The following XPNPEP2 variants were observed in gnomAD, a reference collection of about 807,000 sequenced individuals.
XPNPEP2 encodes X-prolyl aminopeptidase 2.
XPNPEP2 carries 64 observed loss-of-function variants against 59.8 expected under a neutral mutation model. The observed-to-expected ratio is 1.07, with a 90% confidence interval of 0.87 to 1.32. XPNPEP2 has a LOEUF of 1.32. XPNPEP2 is among the 40% of genes most tolerant of loss of function. The pLI, the probability that XPNPEP2 is intolerant of heterozygous loss-of-function variation, is 0.00. For missense variants in XPNPEP2, 575 were observed against 546.8 expected (o/e 1.05, Z -0.51); for synonymous variants, 235 against 210.0 (o/e 1.12, Z -1.03).
chrX:129,745,845 C>T (rs1926284948), intron 4 of XPNPEP2, among the ~76,000 whole-genome samples: 1 of 111,553 alleles, frequency 9.0e-6, no homozygotes, highest in African/African-American at 3.3e-5. Flanking sequence ...GGCTCTTTTT[C>T]CCTTTGCCAA....
chrX:129,744,684 C>G (rs767223661), intron 3 of XPNPEP2, among the ~76,000 whole-genome samples: 1 of 112,434 alleles, frequency 8.9e-6, no homozygotes, highest in Non-Finnish European at 1.9e-5. Context: ...AGTATCTGAA[C>G]TTCCCTGAGC....
Position 129,767,762 on chromosome X carries a change from T to C in XPNPEP2, c.1830+70T>C, listed in dbSNP as rs937613567. The C allele has an allele frequency of 2.8e-6, 3 of 1,090,749 alleles. No individual in the cohort carries two copies. In the African/African-American group the frequency reaches 5.4e-5, roughly 20 times the overall value. 89.9% of individuals were successfully genotyped at this position (1,090,749 alleles called of 1,213,427 possible). Reference sequence around the variant, plus strand: ...CCTGCCTCTGCTACCTGCCACCACATCCTCTGTCCCTGCCCCTCCTCCAGG... The same window carrying C: ...CCTGCCTCTGCTACCTGCCACCACACCCTCTGTCCCTGCCCCTCCTCCAGG... On this transcript the variant is annotated intron_variant, in intron 20 of 20. Transcript: ENST00000371106.
chrX:129,740,018 T>C (rs1381767095), intron 1 of XPNPEP2, among the ~76,000 whole-genome samples: 1 of 112,633 alleles, frequency 8.9e-6, no homozygotes, highest in East Asian at 2.8e-4. Flanking sequence ...ACCTACCCAG[T>C]GCCAGGCCTT....
chrX:129,745,760 T>G (rs1344989371), intron 4 of XPNPEP2, among the ~76,000 whole-genome samples: 1 of 111,839 alleles, frequency 8.9e-6, no homozygotes, highest in Admixed American at 9.5e-5. Flanking sequence ...GCCCATTGAA[T>G]GAAATCCAAG....
chrX:129,764,185 TG>T (rs1209218874), intron 19 of XPNPEP2, among the ~76,000 whole-genome samples: 12 of 105,955 alleles, frequency 1.1e-4, no homozygotes, highest in Non-Finnish European at 7.8e-5. Context: ...CTCTTGGCTT[TG>T]TTTATGGCAT....
At position 129,750,572 on chromosome X, in the gene XPNPEP2, G is replaced by A. The variant is rs760478131; in HGVS notation, c.739+3G>A. 1 of 1,177,293 alleles carries A rather than the reference G, an allele frequency of 8.5e-7. No individual in the cohort carries two copies. Among genetic ancestry groups the A allele is most frequent in the South Asian group, 1.9e-5 (1 of 53,155 alleles). ...GTCGGCGCTTGAGGAGACGGCCTGT[G>A]AGTGTGGATTTGCAGACATGGGTGG... On this transcript the variant is annotated splice_donor_region_variant and intron_variant, in intron 8 of 20. Coordinates refer to ENST00000371106, the MANE Select transcript of XPNPEP2 (RefSeq NM_003399.6).
chrX:129,754,385 C>A, intron 11 of XPNPEP2, 87 bp from the exon 12 acceptor site: 1 of 826,084 alleles, frequency 1.2e-6, no homozygotes, highest in Non-Finnish European at 1.7e-6. Flanking sequence ...CATCCTGGAG[C>A]CGCTATCTGA....
chrX:129,765,312 T>C (rs958872641), intron 19 of XPNPEP2, among the ~76,000 whole-genome samples: 1 of 112,185 alleles, frequency 8.9e-6, no homozygotes, highest in Non-Finnish European at 1.9e-5. Context: ...TTTTACTATA[T>C]TTGCCATCAA....
At chrX:129,756,975 G>C (rs1196197136) in intron 14 of XPNPEP2, among the ~76,000 whole-genome samples, 1 of 95,467 alleles carries the variant, frequency 1.0e-5, no homozygotes, top group Non-Finnish European at 2.0e-5. Flanking sequence ...TTGGATTACA[G>C]GTGTCCACCA....
At chrX:129,742,936 G>A (rs1251496466) in intron 2 of XPNPEP2, among the ~76,000 whole-genome samples, 1 of 111,512 alleles carries the variant, frequency 9.0e-6, no homozygotes, top group African/African-American at 3.3e-5. Context: ...AACCAAAGAA[G>A]AGCCAACGGA....
At position 129,745,052 on chromosome X, in the gene XPNPEP2, G is replaced by A. The variant is rs191449968; in HGVS notation, c.235-151G>A. 1.3e-3 allele frequency: 759 copies of A among 582,899 alleles called. 9 individuals carry two copies. The East Asian group carries it at 0.024, about 18-fold the overall frequency. The allele number at this position is 582,899 out of a possible 1,213,427, so 48.0% of individuals were successfully genotyped here. Reference sequence around the variant, plus strand: ...TTGAAGGCTGGGAGAGTTACAGAGGGCTTCCTGGAAGAGGCACTTGGTGTG... The same window carrying A: ...TTGAAGGCTGGGAGAGTTACAGAGGACTTCCTGGAAGAGGCACTTGGTGTG... On this transcript the variant is annotated intron_variant, in intron 3 of 20. Coordinates refer to ENST00000371106, the MANE Select transcript of XPNPEP2 (RefSeq NM_003399.6).
chrX:129,749,003 G>A lies in XPNPEP2; in HGVS notation c.637+1250G>A, dbSNP rs958191838. Among the ~76,000 whole-genome samples the A allele has an allele frequency of 6.2e-5, 7 of 112,027 alleles. No individual in the cohort carries two copies. In the South Asian group the frequency reaches 2.6e-3, roughly 41 times the overall value. On this transcript the variant is annotated intron_variant, in intron 7 of 20. Transcript: ENST00000371106. ...TTTAAAGGAGAAAGGAGAGTGCAAA[G>A]GGCAGAACATGAAAAGTTCGCTACT...
intron 4 of XPNPEP2, among the ~76,000 whole-genome samples, chrX:129,745,520 A>C (rs1419042935): frequency 4.5e-5 from 5 of 111,755 alleles, no homozygotes; most frequent in African/African-American, 1.6e-4. Context: ...CCTCTGCTGC[A>C]ACCAGGCCCA....
rs1926791318 is a variant in XPNPEP2 at position 129,768,353 on chromosome X, G to A, written c.1893G>A (p.Arg631=). ...IREKVGPELQ[R]RQLLEEFEWL... ...AGAAGGTGGGTCCAGAGCTGCAGAG[G>A]CGCCAGCTACTAGAGGAGTTCGAGT... is the stretch of plus-strand genomic sequence containing the variant. The change falls in exon 21 of 21, where the codon AGG becomes AGA. Residue 631 remains arginine, a synonymous_variant. Coordinates refer to ENST00000371106, the MANE Select transcript of XPNPEP2 (RefSeq NM_003399.6). The A allele has an allele frequency of 8.3e-7, 1 of 1,208,719 alleles. No individual in the cohort carries two copies.
In XPNPEP2 at chrX:129,768,695, C is replaced by G. The variant is rs1442338737; in HGVS notation, c.*210C>G. ...GGCCCCAGATGGCACCTCCCTGCAC[C>G]CCGGGGTTGTATACCACACCCTGGG... On this transcript the variant is annotated 3_prime_UTR_variant, in exon 21 of 21. Transcript: ENST00000371106. The G allele has an allele frequency of 6.0e-6, 2 of 332,414 alleles. No individual in the cohort carries two copies. The highest frequency in any genetic ancestry group is 1.0e-5 in the Non-Finnish European group (2 of 195,671). The allele number at this position is 332,414 out of a possible 1,213,427, so 27.4% of individuals were successfully genotyped here.
chrX:129,741,019 C>T (rs1926168613), intron 1 of XPNPEP2, among the ~76,000 whole-genome samples: 1 of 109,428 alleles, frequency 9.1e-6, no homozygotes, highest in Non-Finnish European at 1.9e-5. Context: ...TAGGGAAATC[C>T]CTCCCTAAAA....
chrX:129,764,977 A>C (rs73563581), intron 19 of XPNPEP2, among the ~76,000 whole-genome samples: 7,150 of 111,609 alleles, frequency 0.064, 568 homozygotes, highest in African/African-American at 0.22. Flanking sequence ...AAAAAGAAGA[A>C]GGAAAAGAAA....
At chrX:129,755,629 A>G (rs1279985121) in intron 13 of XPNPEP2, among the ~76,000 whole-genome samples, 1 of 112,606 alleles carries the variant, frequency 8.9e-6, no homozygotes, top group Non-Finnish European at 1.9e-5. Flanking sequence ...CTGGCTTCCC[A>G]TGTGTTGCTT....
At chrX:129,743,603 C>CCTACCTA (rs1306235155) in intron 2 of XPNPEP2, among the ~76,000 whole-genome samples, 1 of 112,380 alleles carries the variant, frequency 8.9e-6, no homozygotes, top group African/African-American at 3.2e-5. Flanking sequence ...CAACCCTACC[C>CCTACCTA]CCAGGTAGCC....
Sources: gnomAD v4.1 joint callset for allele counts (sites outside exome capture counted in the v4.1 genomes callset) on GRCh38, gnomAD v4.1.1 for gene constraint, MANE v1.5 for transcripts, NCBI Gene and HGNC (gene_info 2026-07-23, HGNC 2026-07-21) for gene names.